Variants in VWA5B1 observed in about 807,000 individuals in gnomAD.
VWA5B1 encodes the protein von Willebrand factor A domain containing 5B1.
In VWA5B1, 115 loss-of-function variants were observed where a neutral mutation model predicts 118.2. That is an observed-to-expected ratio of 0.97 (90% CI 0.84 to 1.14). The LOEUF (loss-of-function observed/expected upper bound fraction) is 1.14, where lower values mean the gene tolerates loss of function less well. Among genes scored for constraint, VWA5B1 ranks in the 50% most tolerant of loss-of-function variants. The probability of loss-of-function intolerance (pLI) is 0.00; values close to 1 mark genes in which losing one functional copy is unlikely to be tolerated. For missense variants in VWA5B1, 1,596 were observed against 1,603.8 expected (o/e 1.00, Z 0.08); for synonymous variants, 682 against 658.4 (o/e 1.04, Z -0.55).
At chr1:20,331,975 T>C (rs1442493301) in intron 11 of VWA5B1, among the ~76,000 whole-genome samples, 1 of 152,160 alleles carries the variant, frequency 6.6e-6, no homozygotes, top group Non-Finnish European at 1.5e-5. Flanking sequence ...CTAGCGCATG[T>C]CATTTACTAA....
chr1:20,344,465 G>C (rs2089967059), intron 16 of VWA5B1, among the ~76,000 whole-genome samples: 1 of 152,178 alleles, frequency 6.6e-6, no homozygotes, highest in Non-Finnish European at 1.5e-5. Flanking sequence ...CCTTACCCAT[G>C]AGTGCTTGAC....
intron 4 of VWA5B1, among the ~76,000 whole-genome samples, chr1:20,317,003 A>AT (rs2089030270): frequency 6.6e-6 from 1 of 151,576 alleles, no homozygotes; most frequent in Non-Finnish European, 1.5e-5. Flanking sequence ...TAAAAACAAA[A>AT]AAATGAGCCG....
chr1:20,326,736 A>T (rs2089397509), intron 8 of VWA5B1, among the ~76,000 whole-genome samples: 1 of 151,708 alleles, frequency 6.6e-6, no homozygotes, highest in South Asian at 2.1e-4. Flanking sequence ...AGCGTGAGTT[A>T]CCGTGCCCAG....
chr1:20,352,069 A>C lies in VWA5B1; in HGVS notation c.3038A>C (p.Lys1013Thr), dbSNP rs1470495040. 6.4e-7 allele frequency: 1 copy of C among 1,551,224 alleles called. No individual in the cohort carries two copies. The highest frequency in any genetic ancestry group is 8.7e-7 in the Non-Finnish European group (1 of 1,146,858). The change falls in exon 21 of 22, where the codon AAG (lysine) becomes ACG (threonine). Residue 1013 changes from lysine (K) to threonine (T), a missense_variant. Physicochemically the swap from Lys to Thr is moderately conservative, Grantham distance 78. Transcript: ENST00000289815. ...NLFGSWLNLN[K>T]SRLLTRAAKG... ...CACCTGCACAGGCTAAATCTCAACA[A>C]GTCCAGGCTACTGACGCGAGCAGCC...
chr1:20,317,640 T>C lies in VWA5B1; in HGVS notation c.674T>C (p.Phe225Ser). 1 of 1,551,428 alleles carries C rather than the reference T, an allele frequency of 6.4e-7. No individual in the cohort carries two copies. ...AACCCCATGGAGTATGAGTTCAACT[T>C]CCAGCTGGAGATCCGTGGGCCATGT... ...VSNPMEYEFN[F>S]QLEIRGPCLL... Residue 225 changes from phenylalanine (F) to serine (S), a missense_variant, in exon 5 of 22, where the codon TTC becomes TCC. Physicochemically the swap from Phe to Ser is radical, Grantham distance 155. Coordinates refer to ENST00000289815, the MANE Select transcript of VWA5B1 (RefSeq NM_001039500.3).
chr1:20,319,234 C>A, intron 6 of VWA5B1, 148 bp from the exon 7 acceptor site: 1 of 1,217,388 alleles, frequency 8.2e-7, no homozygotes, highest in Non-Finnish European at 1.1e-6. Context: ...CTTCCCTAGC[C>A]CTACACTGCT....
At chr1:20,351,580 A>G (rs1337975397) in intron 20 of VWA5B1, among the ~76,000 whole-genome samples, 1 of 152,166 alleles carries the variant, frequency 6.6e-6, no homozygotes, top group African/African-American at 2.4e-5. Flanking sequence ...TGGACCCGGG[A>G]GGCAGAGGTT....
intron 11 of VWA5B1, among the ~76,000 whole-genome samples, chr1:20,332,416 G>A (rs1277907259): frequency 2.6e-5 from 4 of 151,546 alleles, no homozygotes; most frequent in African/African-American, 9.7e-5. Context: ...AGAGGTGGAT[G>A]TTGCACTGAG....
At chr1:20,329,529 G>C (rs191159529) in intron 9 of VWA5B1, among the ~76,000 whole-genome samples, 1 of 151,940 alleles carries the variant, frequency 6.6e-6, no homozygotes, top group Admixed American at 6.6e-5. Flanking sequence ...GGCTGGTCTC[G>C]AATTCCTGAC....
intron 1 of VWA5B1, among the ~76,000 whole-genome samples, chr1:20,292,184 C>A (rs1038668800): frequency 6.6e-6 from 1 of 151,126 alleles, no homozygotes; most frequent in African/African-American, 2.4e-5. Context: ...CCCCTCCTGT[C>A]CTCCCTTACC....
At chr1:20,307,066 C>T (rs1331273297) in intron 1 of VWA5B1, among the ~76,000 whole-genome samples, 2 of 152,150 alleles carry the variant, frequency 1.3e-5, no homozygotes, top group African/African-American at 4.8e-5. Context: ...AGCTCTTTTC[C>T]AGATGTAGCA....
At chr1:20,331,184 C>T (rs2089543778) in intron 11 of VWA5B1, among the ~76,000 whole-genome samples, 1 of 152,186 alleles carries the variant, frequency 6.6e-6, no homozygotes, top group Non-Finnish European at 1.5e-5. Flanking sequence ...ACGCTAGATC[C>T]CCTGGTCTCC....
chr1:20,306,939 T>A (rs1162108095), intron 1 of VWA5B1, among the ~76,000 whole-genome samples: 1 of 152,106 alleles, frequency 6.6e-6, no homozygotes, highest in African/African-American at 2.4e-5. Context: ...GAAAAATCCT[T>A]TTTTCTTGCC....
intron 14 of VWA5B1, among the ~76,000 whole-genome samples, chr1:20,341,683 T>C (rs2089878421): frequency 6.6e-6 from 1 of 152,260 alleles, no homozygotes; most frequent in African/African-American, 2.4e-5. Context: ...GAAAATGATC[T>C]TTGTCATGAC....
chr1:20,344,821 C>T (rs2089973922), intron 16 of VWA5B1, among the ~76,000 whole-genome samples: 1 of 152,164 alleles, frequency 6.6e-6, no homozygotes, highest in African/African-American at 2.4e-5. Context: ...AGCTCCTCAC[C>T]TTACAGTTCA....
intron 7 of VWA5B1, among the ~76,000 whole-genome samples, chr1:20,320,990 G>T (rs116476892): frequency 2.8e-4 from 43 of 151,750 alleles, no homozygotes; most frequent in African/African-American, 1.0e-3. Flanking sequence ...TCCACAGGGT[G>T]AACATCAATC....
intron 16 of VWA5B1, among the ~76,000 whole-genome samples, chr1:20,343,923 C>T (rs183906979): frequency 7.9e-6 from 1 of 126,972 alleles, no homozygotes; most frequent in East Asian, 2.4e-4. Flanking sequence ...TCCCTACCCC[C>T]ACTCCAGGAT....
chr1:20,347,498 G>C (rs2090031719), intron 17 of VWA5B1, among the ~76,000 whole-genome samples: 1 of 151,680 alleles, frequency 6.6e-6, no homozygotes, highest in Admixed American at 6.6e-5. Context: ...AGAGTGCAGT[G>C]ACACAATCAC....
At position 20,296,971 on chromosome 1, in the gene VWA5B1, C is replaced by T. The variant is rs184147254; in HGVS notation, c.-27+5883C>T. The stretch of plus-strand genomic sequence containing the variant: ...TTTCAGGCCTCTTGCTTCTGCATTG[C>T]CTGCCTCGCCTCAGGTCGTTCATTA... On this transcript the variant is annotated intron_variant, in intron 1 of 21. Transcript: ENST00000289815. 3.3e-5 allele frequency among the ~76,000 whole-genome samples: 5 copies of T among 152,352 alleles called. No homozygotes were observed. In the East Asian group the frequency reaches 9.6e-4, roughly 29 times the overall value.
Sources: gnomAD v4.1 joint callset for allele counts (sites outside exome capture counted in the v4.1 genomes callset) on GRCh38, gnomAD v4.1.1 for gene constraint, MANE v1.5 for transcripts, NCBI Gene and HGNC (gene_info 2026-07-23, HGNC 2026-07-21) for gene names.